FMNL2: variants seen among roughly 807,000 people sequenced by gnomAD.
FMNL2 encodes the protein formin-like protein 2.
Under a neutral mutation model 130.2 loss-of-function variants are expected in FMNL2, and 51 were observed. That is an observed-to-expected ratio of 0.39 (90% confidence interval 0.31 to 0.49). The LOEUF is 0.49. Ranked by LOEUF, FMNL2 falls within the 20% of genes least tolerant of loss-of-function variation. The probability of loss-of-function intolerance (pLI) is 0.85; values close to 1 mark genes in which losing one functional copy is unlikely to be tolerated. For synonymous variants in FMNL2, 465 were observed against 467.1 expected, an observed-to-expected ratio of 1.00 and a Z score of 0.06; for missense variants, 977 against 1,316.2, an observed-to-expected ratio of 0.74 and a Z score of 3.99.
At chr2:152,469,002 T>A (rs1281169726) in intron 1 of FMNL2, among the ~76,000 whole-genome samples, 1 of 152,222 alleles carries the variant, frequency 6.6e-6, no homozygotes, top group Non-Finnish European at 1.5e-5. Context: ...TTCTGTAAAT[T>A]ACCTCTTTGA....
chr2:152,459,401 G>C (rs1689121110), intron 1 of FMNL2, among the ~76,000 whole-genome samples: 1 of 152,174 alleles, frequency 6.6e-6, no homozygotes, highest in South Asian at 2.1e-4. Flanking sequence ...TCCCTGAAGA[G>C]TTCTAGATTC....
intron 1 of FMNL2, among the ~76,000 whole-genome samples, chr2:152,491,501 G>C (rs1334188658): frequency 6.6e-6 from 1 of 152,166 alleles, no homozygotes; most frequent in East Asian, 1.9e-4. Context: ...CCAGAAATAA[G>C]CTTAGCTAAA....
chr2:152,559,170 C>G (rs16831371), intron 5 of FMNL2, among the ~76,000 whole-genome samples: 4,216 of 152,252 alleles, frequency 0.028, 379 homozygotes, highest in Admixed American at 0.17. Flanking sequence ...GAGTGACTCC[C>G]TTTTTCTTTT....
chr2:152,352,577 G>GT (rs1682557530), intron 1 of FMNL2, among the ~76,000 whole-genome samples: 1 of 152,202 alleles, frequency 6.6e-6, no homozygotes. Context: ...TTCAGTCTGT[G>GT]TTCATTTTGT....
rs1553866944 is a variant in FMNL2 at position 152,359,494 on chromosome 2, T to TTTC, written c.117+23774_117+23775insTTC. ...CTAAGAGGTAGCCTTTTTTTTTTTT[T>TTTC]CACATAACAGGTAAAAACAACTAAA... On this transcript the variant is annotated intron_variant, in intron 1 of 25. Coordinates refer to ENST00000288670, the MANE Select transcript of FMNL2 (RefSeq NM_052905.4). Among the ~76,000 whole-genome samples, 252 of 147,874 alleles carry TTTC rather than the reference T, an allele frequency of 1.7e-3. 1 individual carries two copies. Among genetic ancestry groups the TTTC allele is most frequent in the Admixed American group, 4.1e-3 (61 of 14,834 alleles).
chr2:152,503,277 C>G (rs1318543973), intron 1 of FMNL2, among the ~76,000 whole-genome samples: 2 of 151,940 alleles, frequency 1.3e-5, no homozygotes, highest in South Asian at 4.2e-4. Flanking sequence ...TGGAAAATTA[C>G]TAGGAGGAAA....
chr2:152,648,238 T>C lies in FMNL2; in HGVS notation c.*333T>C, dbSNP rs1683789077. 4.5e-6 allele frequency: 1 copy of C among 221,918 alleles called. No homozygotes were observed. The highest frequency in any genetic ancestry group is 8.9e-6 in the Non-Finnish European group (1 of 112,706). The allele number at this position is 221,918 out of a possible 1,614,324, so 13.7% of individuals were successfully genotyped here. On this transcript the variant is annotated 3_prime_UTR_variant, in exon 26 of 26. Transcript: ENST00000288670. ...TGTGATTGTCCCATCATGGCCCACC[T>C]GGTTTCCTGATGTTGTAAATAACAT...
At chr2:152,593,883 G>A (rs1697595187) in intron 9 of FMNL2, among the ~76,000 whole-genome samples, 3 of 106,340 alleles carry the variant, frequency 2.8e-5, no homozygotes, top group East Asian at 5.5e-4. Flanking sequence ...GTGTGTGTGT[G>A]TGTGTGTGTG....
intron 1 of FMNL2, among the ~76,000 whole-genome samples, chr2:152,397,383 A>AG (rs1491419236): frequency 5.1e-5 from 2 of 39,346 alleles, no homozygotes; most frequent in Non-Finnish European, 1.5e-4. Flanking sequence ...TGAGCCAGTT[A>AG]GGGGGAAAAA....
At chr2:152,499,185 A>AGAT (rs1156719264) in intron 1 of FMNL2, among the ~76,000 whole-genome samples, 1 of 152,218 alleles carries the variant, frequency 6.6e-6, no homozygotes, top group Non-Finnish European at 1.5e-5. Flanking sequence ...ATGAGAAGGC[A>AGAT]GATTCTAGAG....
chr2:152,344,991 T>G (rs1682031766), intron 1 of FMNL2, among the ~76,000 whole-genome samples: 1 of 152,248 alleles, frequency 6.6e-6, no homozygotes, highest in South Asian at 2.1e-4. Context: ...ATTTCTTTAT[T>G]CATTATAATG....
chr2:152,402,389 C>A (rs1391380218), intron 1 of FMNL2, among the ~76,000 whole-genome samples: 2 of 152,146 alleles, frequency 1.3e-5, no homozygotes, highest in Non-Finnish European at 2.9e-5. Context: ...GCTCCAGGAT[C>A]CTTTCCCTCT....
At chr2:152,418,139 C>T (rs1686715235) in intron 1 of FMNL2, among the ~76,000 whole-genome samples, 1 of 152,174 alleles carries the variant, frequency 6.6e-6, no homozygotes, top group Non-Finnish European at 1.5e-5. Context: ...AGCCACTGCA[C>T]CCAGCAAATG....
chr2:152,600,283 T>C (rs1265562049), intron 9 of FMNL2, among the ~76,000 whole-genome samples: 1 of 152,034 alleles, frequency 6.6e-6, no homozygotes, highest in Non-Finnish European at 1.5e-5. Flanking sequence ...AAAAAGAAAG[T>C]ATTGAGGCAG....
intron 20 of FMNL2, among the ~76,000 whole-genome samples, chr2:152,630,617 C>A (rs1442334497): frequency 6.6e-6 from 1 of 152,120 alleles, no homozygotes; most frequent in Admixed American, 6.5e-5. Flanking sequence ...AGTCCCCCGA[C>A]CAGGGAGCTA....
chr2:152,440,060 C>A (rs997955025), intron 1 of FMNL2, among the ~76,000 whole-genome samples: 3 of 151,786 alleles, frequency 2.0e-5, no homozygotes, highest in Admixed American at 6.6e-5. Flanking sequence ...GGACGTGAAA[C>A]CCCTTTGGAT....
rs138398749 is a variant in FMNL2, at chr2:152,387,416, T to C, written c.117+51696T>C. On this transcript the variant is annotated intron_variant, in intron 1 of 25. Coordinates refer to ENST00000288670, the MANE Select transcript of FMNL2 (RefSeq NM_052905.4). ...GCCTGCTGACTTGTTGAGTACGGAG[T>C]GTGATTAGATTAAAACTAATATGTT... Among the ~76,000 whole-genome samples, 28 of 152,188 alleles carry C rather than the reference T, an allele frequency of 1.8e-4. 1 individual carries two copies. Among genetic ancestry groups the C allele is most frequent in the African/African-American group, 6.5e-4 (27 of 41,496 alleles).
At chr2:152,340,902 G>T (rs900578281) in intron 1 of FMNL2, among the ~76,000 whole-genome samples, 11 of 152,130 alleles carry the variant, frequency 7.2e-5, no homozygotes, top group African/African-American at 2.4e-4. Flanking sequence ...ATCTTGGCCA[G>T]GCTGGTCTTG....
chr2:152,629,945 CAG>C, intron 20 of FMNL2, 40 bp downstream of exon 20: 1 of 1,546,832 alleles, frequency 6.5e-7, no homozygotes, highest in South Asian at 1.2e-5. Flanking sequence ...GTTTGAAGGA[CAG>C]ATGGCTGGCA....
Sources: gnomAD v4.1 joint callset for allele counts (sites outside exome capture counted in the v4.1 genomes callset) on GRCh38, gnomAD v4.1.1 for gene constraint, MANE v1.5 for transcripts, NCBI Gene and HGNC (gene_info 2026-07-23, HGNC 2026-07-21) for gene names.